PTPRR: variants seen among roughly 807,000 people sequenced by gnomAD.
PTPRR encodes protein tyrosine phosphatase receptor type R, also known as receptor-type tyrosine-protein phosphatase R.
In PTPRR, 38 loss-of-function variants were observed where a neutral mutation model predicts 77.2. The observed-to-expected ratio is 0.49, with a 90% CI of 0.38 to 0.65. The LOEUF is 0.65. Among genes scored for constraint, PTPRR ranks in the 30% least tolerant of loss-of-function variants. The probability of loss-of-function intolerance (pLI) is 0.00; values close to 1 mark genes in which losing one functional copy is unlikely to be tolerated. For missense variants in PTPRR, 744 were observed against 799.2 expected, an observed-to-expected ratio of 0.93 and a Z score of 0.83; for synonymous variants, 299 against 283.1, an observed-to-expected ratio of 1.06 and a Z score of -0.57.
At chr12:70,889,015 T>A (rs1456355855) in intron 2 of PTPRR, among the ~76,000 whole-genome samples, 1 of 152,188 alleles carries the variant, frequency 6.6e-6, no homozygotes, top group Non-Finnish European at 1.5e-5. Context: ...AAATGTTAAA[T>A]GCTGATTGAA....
chr12:70,825,622 G>T (rs904461077), intron 2 of PTPRR, among the ~76,000 whole-genome samples: 1 of 152,178 alleles, frequency 6.6e-6, no homozygotes, highest in Non-Finnish European at 1.5e-5. Context: ...CAAGGCCTGG[G>T]TTGGAATTAC....
intron 10 of PTPRR, among the ~76,000 whole-genome samples, chr12:70,668,648 T>C (rs1887101951): frequency 6.6e-6 from 1 of 152,192 alleles, no homozygotes; most frequent in South Asian, 2.1e-4. Context: ...CTCAAACATA[T>C]AGTTTAATAA....
At chr12:70,744,984 C>T (rs1282276640) in intron 6 of PTPRR, among the ~76,000 whole-genome samples, 1 of 151,962 alleles carries the variant, frequency 6.6e-6, no homozygotes, top group African/African-American at 2.4e-5. Context: ...ATTGGATTTG[C>T]GTTTAATGGA....
chr12:70,920,484 T>C lies in PTPRR; in HGVS notation c.-94A>G, dbSNP rs1260660122. On this transcript the variant is annotated 5_prime_UTR_variant, in exon 1 of 14. Transcript: ENST00000283228. ...AGAGCCACCGCCAAGGGTCTTCTAG[T>C]CTCCGGGATTCAGGTCCTCGGCTGG... 8.1e-7 allele frequency: 1 copy of C among 1,238,926 alleles called. No individual in the cohort carries two copies. The highest frequency in any genetic ancestry group is 1.5e-5 in the African/African-American group (1 of 66,480). The allele number at this position is 1,238,926 out of a possible 1,614,324, so 76.7% of individuals were successfully genotyped here.
intron 6 of PTPRR, among the ~76,000 whole-genome samples, chr12:70,743,480 A>G (rs1229112631): frequency 6.6e-6 from 1 of 152,310 alleles, no homozygotes; most frequent in East Asian, 1.9e-4. Flanking sequence ...TACAAGAAAG[A>G]ACCTATTTGT....
At chr12:70,883,372 T>C (rs1345312122) in intron 2 of PTPRR, among the ~76,000 whole-genome samples, 1 of 152,204 alleles carries the variant, frequency 6.6e-6, no homozygotes, top group Non-Finnish European at 1.5e-5. Context: ...ATTTTTGAAT[T>C]ACTTCCAATG....
intron 10 of PTPRR, among the ~76,000 whole-genome samples, chr12:70,680,991 T>C (rs556445508): frequency 5.7e-4 from 86 of 151,940 alleles, no homozygotes; most frequent in Non-Finnish European, 1.1e-3. Context: ...CTGATCAAGA[T>C]TGTCTGTTCC....
At chr12:70,758,390 C>T (rs1408661588) in intron 4 of PTPRR, among the ~76,000 whole-genome samples, 1 of 144,632 alleles carries the variant, frequency 6.9e-6, no homozygotes, top group Non-Finnish European at 1.5e-5. Context: ...GTATAGGGAG[C>T]TTCTTTTGGT....
At chr12:70,764,869 G>A (rs1592742529) in intron 2 of PTPRR, 91 bp from the exon 3 acceptor site, 3 of 946,984 alleles carry the variant, frequency 3.2e-6, no homozygotes, top group African/African-American at 1.6e-5. Flanking sequence ...ATAAGTTCAC[G>A]ACATTCAGTT....
chr12:70,898,148 A>T (rs1424500389), intron 1 of PTPRR, among the ~76,000 whole-genome samples: 3 of 139,116 alleles, frequency 2.2e-5, no homozygotes, highest in Admixed American at 7.3e-5. Context: ...AACTTAAAGT[A>T]TAATAATAAT....
At chr12:70,795,191 CA>C (rs1465703171) in intron 2 of PTPRR, among the ~76,000 whole-genome samples, 1 of 152,140 alleles carries the variant, frequency 6.6e-6, no homozygotes, top group South Asian at 2.1e-4. Flanking sequence ...TCAAAATTCT[CA>C]AAAGGTCTCA....
intron 2 of PTPRR, among the ~76,000 whole-genome samples, chr12:70,792,190 T>C (rs370764072): frequency 3.0e-4 from 46 of 152,282 alleles, no homozygotes; most frequent in African/African-American, 1.1e-3. Flanking sequence ...GTTAAGGGGA[T>C]TGATTGAGAA....
At chr12:70,797,336 C>T (rs910622563) in intron 2 of PTPRR, among the ~76,000 whole-genome samples, 2 of 152,192 alleles carry the variant, frequency 1.3e-5, no homozygotes, top group African/African-American at 4.8e-5. Context: ...CCATCCCCAA[C>T]TGTGTTCTCA....
intron 2 of PTPRR, among the ~76,000 whole-genome samples, chr12:70,861,090 A>C (rs924306781): frequency 6.6e-6 from 1 of 152,172 alleles, no homozygotes; most frequent in Admixed American, 6.6e-5. Flanking sequence ...AAAATGCTCA[A>C]TAAGTATTTG....
intron 2 of PTPRR, among the ~76,000 whole-genome samples, chr12:70,779,998 T>C (rs1216330081): frequency 8.3e-6 from 1 of 121,074 alleles, no homozygotes; most frequent in African/African-American, 3.2e-5. Context: ...TGAAACTCAC[T>C]TTTTTTTTTT....
intron 2 of PTPRR, among the ~76,000 whole-genome samples, chr12:70,800,906 A>G (rs2137019899): frequency 6.6e-6 from 1 of 152,198 alleles, no homozygotes; most frequent in East Asian, 1.9e-4. Flanking sequence ...ATAAAAAAAA[A>G]AAAAAAAGTA....
chr12:70,848,190 T>C (rs541906644), intron 2 of PTPRR, among the ~76,000 whole-genome samples: 54 of 152,282 alleles, frequency 3.5e-4, no homozygotes, highest in African/African-American at 1.3e-3. Flanking sequence ...AAAAATAAAA[T>C]ATAATGACTT....
chr12:70,816,098 C>T (rs1891898355), intron 2 of PTPRR, among the ~76,000 whole-genome samples: 1 of 152,084 alleles, frequency 6.6e-6, no homozygotes. Flanking sequence ...AAATAGTTTT[C>T]CATTTAGTCA....
intron 13 of PTPRR, among the ~76,000 whole-genome samples, chr12:70,654,547 A>G (rs938049725): frequency 5.3e-5 from 8 of 152,218 alleles, no homozygotes; most frequent in African/African-American, 1.9e-4. Context: ...GGAAAAAAAG[A>G]AAGGTTAGTG....
Sources: gnomAD v4.1 joint callset for allele counts (sites outside exome capture counted in the v4.1 genomes callset) on GRCh38, gnomAD v4.1.1 for gene constraint, MANE v1.5 for transcripts, NCBI Gene and HGNC (gene_info 2026-07-23, HGNC 2026-07-21) for gene names.